The following CALN1 variants were observed in gnomAD, a reference collection of about 807,000 sequenced individuals.
The protein encoded by CALN1 is calneuron 1, also known as calcium-binding protein 8.
In CALN1, 17 loss-of-function variants were observed where a neutral mutation model predicts 30.6. The observed-to-expected ratio is 0.56, with a 90% CI of 0.38 to 0.83. The LOEUF is 0.83. Ranked by LOEUF, CALN1 falls within the 40% of genes least tolerant of loss-of-function variation. The pLI, the probability that CALN1 is intolerant of heterozygous loss-of-function variation, is 0.00. For synonymous variants in CALN1, 156 were observed against 131.4 expected (o/e 1.19, Z -1.28); for missense variants, 291 against 354.9 (o/e 0.82, Z 1.45).
At chr7:72,092,473 GTCAT>G (rs1259940056) in intron 4 of CALN1, among the ~76,000 whole-genome samples, 2 of 151,762 alleles carry the variant, frequency 1.3e-5, no homozygotes, top group Non-Finnish European at 2.9e-5. Flanking sequence ...CACATTCCGT[GTCAT>G]TCAAATTCTG....
intron 2 of CALN1, among the ~76,000 whole-genome samples, chr7:72,400,632 G>C (rs527528357): frequency 5.3e-4 from 80 of 152,286 alleles, no homozygotes; most frequent in Non-Finnish European, 9.4e-4. Flanking sequence ...CACTTTGGGA[G>C]GCCAAGGCAG....
chr7:72,050,071 G>T (rs112359407), intron 4 of CALN1, among the ~76,000 whole-genome samples: 10,148 of 151,616 alleles, frequency 0.067, 1,109 homozygotes, highest in African/African-American at 0.23. Context: ...CTCCTGCCTC[G>T]GCCTCCCAAA....
intron 2 of CALN1, among the ~76,000 whole-genome samples, chr7:72,357,930 G>A (rs997612919): frequency 6.6e-6 from 1 of 150,552 alleles, no homozygotes; most frequent in Admixed American, 6.6e-5. Context: ...TCAGCCTCCT[G>A]AGTAGCTAGG....
intron 4 of CALN1, among the ~76,000 whole-genome samples, chr7:72,029,275 C>T (rs1404682979): frequency 1.3e-5 from 2 of 151,964 alleles, no homozygotes; most frequent in Non-Finnish European, 1.5e-5. Context: ...CCACACCCAG[C>T]GAATTGTTTG....
intron 4 of CALN1, among the ~76,000 whole-genome samples, chr7:72,077,607 A>G (rs1248682278): frequency 6.6e-6 from 1 of 152,038 alleles, no homozygotes; most frequent in Non-Finnish European, 1.5e-5. Flanking sequence ...TCCTTTTCCC[A>G]ACCCCTGTCT....
intron 5 of CALN1, among the ~76,000 whole-genome samples, chr7:72,016,801 C>T (rs1800403106): frequency 1.3e-5 from 2 of 149,166 alleles, no homozygotes; most frequent in African/African-American, 5.1e-5. Context: ...CAGACAAAAG[C>T]CTGGGCCTGG....
At chr7:71,845,293 G>A (rs960198936) in intron 5 of CALN1, among the ~76,000 whole-genome samples, 17 of 152,192 alleles carry the variant, frequency 1.1e-4, no homozygotes, top group East Asian at 1.9e-4. Context: ...CTATACTGAC[G>A]AATTCCATTC....
intron 5 of CALN1, among the ~76,000 whole-genome samples, chr7:71,904,270 T>A (rs1216786613): frequency 6.6e-6 from 1 of 152,182 alleles, no homozygotes; most frequent in Non-Finnish European, 1.5e-5. Context: ...ACAGCAGTAT[T>A]CACAATTGCC....
chr7:71,794,907 C>A (rs890364356), intron 6 of CALN1, among the ~76,000 whole-genome samples: 1 of 152,382 alleles, frequency 6.6e-6, no homozygotes, highest in Admixed American at 6.5e-5. Flanking sequence ...ATAGCTCACT[C>A]TTCCCCGCTT....
intron 2 of CALN1, among the ~76,000 whole-genome samples, chr7:72,343,942 C>T (rs1802496298): frequency 6.6e-6 from 1 of 152,270 alleles, no homozygotes; most frequent in African/African-American, 2.4e-5. Context: ...AGGGGATGCC[C>T]AAAAGGGCTT....
chr7:72,194,311 T>C (rs1249114843), intron 3 of CALN1, among the ~76,000 whole-genome samples: 3 of 152,080 alleles, frequency 2.0e-5, no homozygotes, highest in Non-Finnish European at 4.4e-5. Flanking sequence ...AGGTGGATCA[T>C]CTGAGTTCAG....
At chr7:71,870,237 G>T (rs10238383) in intron 5 of CALN1, among the ~76,000 whole-genome samples, 143 of 152,236 alleles carry the variant, frequency 9.4e-4, no homozygotes, top group African/African-American at 3.4e-3. Flanking sequence ...ACAAAAATTA[G>T]CTAGGCATGG....
intron 3 of CALN1, among the ~76,000 whole-genome samples, chr7:72,268,763 C>A (rs1180679850): frequency 6.8e-6 from 1 of 147,068 alleles, no homozygotes; most frequent in Non-Finnish European, 1.5e-5. Context: ...CACCACTGCA[C>A]TCCAGCCTGG....
At position 71,787,737 on chromosome 7, in the gene CALN1, G is replaced by A. The variant is rs532063545; in HGVS notation, c.*38C>T. The A allele has an allele frequency of 1.9e-4, 305 of 1,610,336 alleles. No individual in the cohort carries two copies. Among genetic ancestry groups the A allele is most frequent in the Admixed American group, 3.0e-4 (18 of 59,942 alleles). On this transcript the variant is annotated 3_prime_UTR_variant, in exon 7 of 7. Transcript: ENST00000395275. The stretch of plus-strand genomic sequence containing the variant: ...GTCTGCCCGCACGGCATGCACATGC[G>A]CGGTGAGCTGCAACACAGTGTGGCT...
At position 72,286,246 on chromosome 7, in the gene CALN1, T is replaced by A. The variant is rs76295683; in HGVS notation, c.120-7436A>T. Reference sequence around the variant, plus strand: ...CACCCTTCTGACTGGAATTGCTTTATTAAAGCAGCCAAGGTCAAATCCCAC... The same window carrying A: ...CACCCTTCTGACTGGAATTGCTTTAATAAAGCAGCCAAGGTCAAATCCCAC... On this transcript the variant is annotated intron_variant, in intron 2 of 6. Transcript: ENST00000395275. Among the ~76,000 whole-genome samples the A allele has an allele frequency of 4.5e-3, 687 of 151,996 alleles. 4 individuals carry two copies. Among genetic ancestry groups the A allele is most frequent in the African/African-American group, 0.015 (617 of 41,548 alleles).
intron 5 of CALN1, among the ~76,000 whole-genome samples, chr7:72,010,543 G>A (rs1356315186): frequency 2.0e-5 from 3 of 152,146 alleles, no homozygotes; most frequent in African/African-American, 7.2e-5. Flanking sequence ...CAGGTGCGGT[G>A]GCTCACATCT....
At position 72,238,043 on chromosome 7, in the gene CALN1, C is replaced by CA. The variant is rs1335536087; in HGVS notation, c.244+40642dup. 7.9e-5 allele frequency among the ~76,000 whole-genome samples: 12 copies of CA among 152,134 alleles called. 1 individual carries two copies. Among genetic ancestry groups the CA allele is most frequent in the Admixed American group, 7.9e-4 (12 of 15,276 alleles). On this transcript the variant is annotated intron_variant, in intron 3 of 6. Coordinates refer to ENST00000395275, the MANE Select transcript of CALN1 (RefSeq NM_031468.4). The stretch of plus-strand genomic sequence containing the variant: ...AGAAGCTTGTGAAGGTAATGACCCA[C>CA]AAAACAAGGAAGCCCTACAGAAGAC...
At chr7:72,393,810 C>T (rs1005214468) in intron 2 of CALN1, among the ~76,000 whole-genome samples, 5 of 149,466 alleles carry the variant, frequency 3.3e-5, no homozygotes, top group African/African-American at 1.2e-4. Context: ...TGCACAGTGG[C>T]ACAAGCTCAG....
At position 72,168,802 on chromosome 7, in the gene CALN1, ATTATTT is replaced by A. The variant is rs1446971519; in HGVS notation, c.245-62514_245-62509del. Among the ~76,000 whole-genome samples, 12 of 114,450 alleles carry A rather than the reference ATTATTT, an allele frequency of 1.0e-4. No homozygotes were observed. In the South Asian group the frequency reaches 1.9e-3, roughly 18 times the overall value. 75.1% of individuals were successfully genotyped at this position (114,450 alleles called of 152,430 possible). On this transcript the variant is annotated intron_variant, in intron 3 of 6. Transcript: ENST00000395275. ...AGGATGCCTGCTTATTATTATTATTATTATTTTTTTTTTTTTTTTTGAGATGGAGTT... is the reference window on the plus strand; with the variant it reads ...AGGATGCCTGCTTATTATTATTATTATTTTTTTTTTTTTTGAGATGGAGTT...
Sources: gnomAD v4.1 joint callset for allele counts (sites outside exome capture counted in the v4.1 genomes callset) on GRCh38, gnomAD v4.1.1 for gene constraint, MANE v1.5 for transcripts, NCBI Gene and HGNC (gene_info 2026-07-23, HGNC 2026-07-21) for gene names.